The following PDE5A variants were observed in gnomAD, a reference collection of about 807,000 sequenced individuals.
PDE5A encodes the protein phosphodiesterase 5A.
Under a neutral mutation model 110.2 loss-of-function variants are expected in PDE5A, and 67 were observed. The ratio of observed to expected loss-of-function variants is 0.61; its 90% CI spans 0.50 to 0.75. The LOEUF (loss-of-function observed/expected upper bound fraction) is 0.75. Among genes scored for constraint, PDE5A ranks in the 30% least tolerant of loss-of-function variants. The pLI, the probability that PDE5A is intolerant of heterozygous loss-of-function variation, is 0.00. For synonymous variants in PDE5A, 328 were observed against 351.2 expected, an observed-to-expected ratio of 0.93 and a Z score of 0.74; for missense variants, 862 against 1,045.1, an observed-to-expected ratio of 0.82 and a Z score of 2.42.
intron 14 of PDE5A, among the ~76,000 whole-genome samples, chr4:119,515,424 T>A (rs1219508032): frequency 6.6e-6 from 1 of 152,160 alleles, no homozygotes; most frequent in Non-Finnish European, 1.5e-5. Flanking sequence ...AGTGTGACTG[T>A]GGCTACCAGG....
Position 119,502,581 on chromosome 4 carries a change from A to G in PDE5A, c.2406T>C (p.Thr802=). ...CCTACCAACAAGGTTTCATACTTACAGTGGGTTCTATGTTGAGTTCTTTTC... is the reference window on the plus strand; with the variant it reads ...CCTACCAACAAGGTTTCATACTTACGGTGGGTTCTATGTTGAGTTCTTTTC... ...RERKELNIEP[T]DLMNREKKNK... The change falls in exon 19 of 21, where the codon ACT becomes ACC. Residue 802 remains threonine, a splice_region_variant and synonymous_variant. Transcript: ENST00000354960. The G allele has an allele frequency of 5.7e-6, 9 of 1,569,892 alleles. No individual in the cohort carries two copies. Among genetic ancestry groups the G allele is most frequent in the Non-Finnish European group, 7.9e-6 (9 of 1,144,524 alleles).
In PDE5A at chr4:119,502,622, G is replaced by C. The variant is rs755150979; in HGVS notation, c.2365C>G (p.Gln789Glu). The change falls in exon 19 of 21, where the codon CAA (glutamine) becomes GAA (glutamate). Residue 789 changes from glutamine to glutamate, a missense_variant. Coordinates refer to ENST00000354960, the MANE Select transcript of PDE5A (RefSeq NM_001083.4). Reference sequence around the variant, plus strand: ...AGTTCTTTTCTCTCTCTGTCTCCTTGATCAAAAAATTCAGTTGCTACAAGT... The same window carrying C: ...AGTTCTTTTCTCTCTCTGTCTCCTTCATCAAAAAATTCAGTTGCTACAAGT... ...AELVATEFFD[Q>E]GDRERKELNI... The C allele has an allele frequency of 6.2e-7, 1 of 1,607,324 alleles. No homozygotes were observed. Among genetic ancestry groups the C allele is most frequent in the Non-Finnish European group, 8.5e-7 (1 of 1,174,558 alleles).
chr4:119,547,444 TTCTTC>T (rs1383360810), intron 9 of PDE5A, among the ~76,000 whole-genome samples: 1 of 151,992 alleles, frequency 6.6e-6, no homozygotes, highest in Non-Finnish European at 1.5e-5. Flanking sequence ...TCTACTTTCT[TTCTTC>T]TCATGTATAT....
At chr4:119,519,903 A>G (rs1332528082) in intron 13 of PDE5A, among the ~76,000 whole-genome samples, 1 of 152,156 alleles carries the variant, frequency 6.6e-6, no homozygotes, top group Non-Finnish European at 1.5e-5. Context: ...TCTGAAATCC[A>G]AAATGCTTCC....
At chr4:119,501,300 T>G (rs200243352) in intron 19 of PDE5A, 47 bp from the exon 20 acceptor site, 39 of 1,113,906 alleles carry the variant, frequency 3.5e-5, no homozygotes, top group African/African-American at 2.0e-4. Context: ...CATTTATTTA[T>G]TTAGTTAGTT....
chr4:119,555,013 A>G (rs527557811), intron 7 of PDE5A, among the ~76,000 whole-genome samples: 2 of 152,230 alleles, frequency 1.3e-5, no homozygotes, highest in South Asian at 2.1e-4. Flanking sequence ...CAAAGTTCCA[A>G]TGTTTTGCTA....
At chr4:119,555,560 G>A (rs11933966) in intron 7 of PDE5A, among the ~76,000 whole-genome samples, 39,975 of 151,970 alleles carry the variant, frequency 0.26, 5,386 homozygotes, top group East Asian at 0.38. Flanking sequence ...CCAGGAGAAT[G>A]AAGTATATTG....
At chr4:119,619,308 T>G (rs1002895784) in intron 1 of PDE5A, among the ~76,000 whole-genome samples, 2 of 152,208 alleles carry the variant, frequency 1.3e-5, no homozygotes, top group African/African-American at 4.8e-5. Context: ...TCTGAGAAAC[T>G]GATACTCGGC....
intron 7 of PDE5A, among the ~76,000 whole-genome samples, chr4:119,558,761 C>CAA (rs1560614990): frequency 6.6e-6 from 1 of 151,608 alleles, no homozygotes; most frequent in Non-Finnish European, 1.5e-5. Context: ...ACTAAAAATA[C>CAA]AAAAAATTAG....
At chr4:119,613,380 T>TC (rs1441924385) in intron 1 of PDE5A, among the ~76,000 whole-genome samples, 13 of 152,196 alleles carry the variant, frequency 8.5e-5, no homozygotes, top group African/African-American at 3.1e-4. Context: ...TCTTTTTTTT[T>TC]CTGGAACGAA....
intron 2 of PDE5A, among the ~76,000 whole-genome samples, chr4:119,599,266 T>C (rs1351919444): frequency 6.6e-6 from 1 of 152,014 alleles, no homozygotes; most frequent in Non-Finnish European, 1.5e-5. Context: ...AAACAGACTA[T>C]GACCAGCAGA....
intron 1 of PDE5A, among the ~76,000 whole-genome samples, chr4:119,622,765 C>T (rs560466125): frequency 1.2e-4 from 17 of 145,364 alleles, no homozygotes; most frequent in African/African-American, 3.8e-4. Context: ...CCCAGCTACT[C>T]GGGAGTCTGA....
intron 1 of PDE5A, among the ~76,000 whole-genome samples, chr4:119,610,532 C>G (rs1344050117): frequency 6.6e-6 from 1 of 152,064 alleles, no homozygotes; most frequent in Non-Finnish European, 1.5e-5. Flanking sequence ...ATTAAACTGC[C>G]TACTTGACAA....
chr4:119,579,222 C>G (rs1578794881), intron 3 of PDE5A, among the ~76,000 whole-genome samples: 7 of 152,176 alleles, frequency 4.6e-5, no homozygotes, highest in Admixed American at 1.3e-4. Context: ...GAAATAGGAA[C>G]ACTTTTACAC....
chr4:119,571,732 T>A (rs1485908042), intron 3 of PDE5A, among the ~76,000 whole-genome samples: 2 of 152,216 alleles, frequency 1.3e-5, no homozygotes, highest in Non-Finnish European at 2.9e-5. Context: ...GTGATTCTTA[T>A]ATTCTTGCAT....
chr4:119,625,808 T>C (rs1033013192), intron 1 of PDE5A, among the ~76,000 whole-genome samples: 1 of 152,174 alleles, frequency 6.6e-6, no homozygotes, highest in Admixed American at 6.5e-5. Context: ...ACACTGGGGT[T>C]AGTGGTTTGC....
chr4:119,571,448 T>C (rs954386703), intron 3 of PDE5A, among the ~76,000 whole-genome samples: 5 of 152,142 alleles, frequency 3.3e-5, no homozygotes, highest in African/African-American at 7.2e-5. Flanking sequence ...CATTTGATGA[T>C]GCTGTTCTGC....
chr4:119,600,142 T>A (rs2892869), intron 2 of PDE5A, among the ~76,000 whole-genome samples: 1 of 151,582 alleles, frequency 6.6e-6, no homozygotes, highest in Non-Finnish European at 1.5e-5. Context: ...GAGAAAGATA[T>A]TAAAATCTAG....
intron 11 of PDE5A, among the ~76,000 whole-genome samples, chr4:119,538,341 G>T (rs1726802375): frequency 6.6e-6 from 1 of 152,098 alleles, no homozygotes; most frequent in Non-Finnish European, 1.5e-5. Flanking sequence ...CCTTACCTAT[G>T]TCATCGCAAA....
Sources: gnomAD v4.1 joint callset for allele counts (sites outside exome capture counted in the v4.1 genomes callset) on GRCh38, gnomAD v4.1.1 for gene constraint, MANE v1.5 for transcripts, NCBI Gene and HGNC (gene_info 2026-07-23, HGNC 2026-07-21) for gene names.